SMAP1: variants seen among roughly 807,000 people sequenced by gnomAD.
The protein encoded by SMAP1 is small ArfGAP 1.
Under a neutral mutation model 58.5 loss-of-function variants are expected in SMAP1, and 24 were observed. The ratio of observed to expected loss-of-function variants is 0.41; its 90% confidence interval spans 0.30 to 0.58. The LOEUF is 0.58. SMAP1 is among the 20% of genes least tolerant of loss of function. The pLI, the probability that SMAP1 is intolerant of heterozygous loss-of-function variation, is 0.29. For missense variants in SMAP1, 563 were observed against 566.3 expected (o/e 0.99, Z 0.06); for synonymous variants, 216 against 196.6 (o/e 1.10, Z -0.82).
At chr6:70,848,253 C>G (rs1195364095) in intron 7 of SMAP1, among the ~76,000 whole-genome samples, 2 of 152,112 alleles carry the variant, frequency 1.3e-5, no homozygotes, top group Admixed American at 1.3e-4. Flanking sequence ...TGACCATATC[C>G]ACCTGAATCC....
At position 70,813,382 on chromosome 6, in the gene SMAP1, T is replaced by C. The variant is rs1433248286; in HGVS notation, c.576+14645T>C. ...GAACAGCAATGAATTGAAAATAAAA[T>C]AGGCTTAAGTTATACAAATATATTT... On this transcript the variant is annotated intron_variant, in intron 6 of 10. Coordinates refer to ENST00000370455, the MANE Select transcript of SMAP1 (RefSeq NM_001044305.3). Among the ~76,000 whole-genome samples, 4 of 152,232 alleles carry C rather than the reference T, an allele frequency of 2.6e-5. No homozygotes were observed. The East Asian group carries it at 5.8e-4, about 22-fold the overall frequency.
intron 6 of SMAP1, among the ~76,000 whole-genome samples, chr6:70,828,217 G>A (rs1770217939): frequency 6.6e-6 from 1 of 152,060 alleles, no homozygotes; most frequent in Non-Finnish European, 1.5e-5. Context: ...ACTAATGTAG[G>A]TAATATAGTG....
At chr6:70,748,131 C>T (rs1049290023) in intron 2 of SMAP1, among the ~76,000 whole-genome samples, 3 of 152,050 alleles carry the variant, frequency 2.0e-5, no homozygotes, top group African/African-American at 7.2e-5. Context: ...AAGGCTTGCT[C>T]CTATGCAAGA....
chr6:70,857,108 A>ATATC lies in SMAP1; in HGVS notation c.961+80_961+83dup, dbSNP rs2150013666. 3 of 1,369,028 alleles carry ATATC rather than the reference A, an allele frequency of 2.2e-6. No individual in the cohort carries two copies. In the South Asian group the frequency reaches 5.2e-5, roughly 24 times the overall value. The allele number at this position is 1,369,028 out of a possible 1,614,324, so 84.8% of individuals were successfully genotyped here. A position where few individuals can be genotyped will look rare whatever the true frequency, so the allele number is the denominator to read the frequency against. Reference sequence around the variant, plus strand: ...GTAATTATATAATAAGATCAATTATATATCTTTTATTGTTCCATGTAGTGA... The same window carrying ATATC: ...GTAATTATATAATAAGATCAATTATATATCTATCTTTTATTGTTCCATGTAGTGA... On this transcript the variant is annotated intron_variant, in intron 9 of 10. Transcript: ENST00000370455.
chr6:70,836,185 T>G (rs1209298209), intron 6 of SMAP1, among the ~76,000 whole-genome samples: 1 of 152,066 alleles, frequency 6.6e-6, no homozygotes, highest in Admixed American at 6.5e-5. Context: ...ACTGGGCAAT[T>G]TACAGAAGAA....
chr6:70,716,089 T>C (rs1222845890), intron 1 of SMAP1, among the ~76,000 whole-genome samples: 2 of 152,378 alleles, frequency 1.3e-5, no homozygotes, highest in East Asian at 3.9e-4. Context: ...GGCTTAGTTG[T>C]ATTCCATCAT....
intron 10 of SMAP1, 104 bp downstream of exon 10, chr6:70,858,333 A>G (rs908340130): frequency 1.9e-6 from 2 of 1,052,450 alleles, no homozygotes; most frequent in Non-Finnish European, 2.6e-6. Context: ...GTGATCTGGC[A>G]GAAAGAATTC....
intron 3 of SMAP1, among the ~76,000 whole-genome samples, chr6:70,766,709 T>C (rs572023755): frequency 0.02 from 3,009 of 152,314 alleles, 87 homozygotes; most frequent in African/African-American, 0.069. Flanking sequence ...CTGTTCACTC[T>C]GATGGTAGTT....
intron 7 of SMAP1, 77 bp from the exon 8 acceptor site, chr6:70,852,463 T>C: frequency 7.7e-7 from 1 of 1,302,742 alleles, no homozygotes; most frequent in Non-Finnish European, 1.0e-6. Flanking sequence ...TAACCATATA[T>C]CAATTTTTAA....
At chr6:70,837,816 C>A (rs1264553050) in intron 7 of SMAP1, 1 of 1,262,760 alleles carries the variant, frequency 7.9e-7, no homozygotes. Flanking sequence ...GAGTGAAAGG[C>A]AGTTAGTTGA....
At chr6:70,739,307 A>G (rs1582091356) in intron 2 of SMAP1, among the ~76,000 whole-genome samples, 1 of 152,202 alleles carries the variant, frequency 6.6e-6, no homozygotes, top group East Asian at 1.9e-4. Context: ...TCTGCAGAAG[A>G]GAAACATAAA....
chr6:70,787,796 A>T (rs1366798549), intron 4 of SMAP1, among the ~76,000 whole-genome samples: 1 of 151,798 alleles, frequency 6.6e-6, no homozygotes, highest in South Asian at 2.1e-4. Flanking sequence ...AAAGTCAGGA[A>T]ACAACAGGTG....
chr6:70,786,970 A>G (rs917213564), intron 4 of SMAP1, among the ~76,000 whole-genome samples: 2 of 152,164 alleles, frequency 1.3e-5, no homozygotes, highest in African/African-American at 4.8e-5. Flanking sequence ...ATATGGAACC[A>G]AAAAAGAGCC....
chr6:70,759,306 A>G (rs1446949476), intron 3 of SMAP1, among the ~76,000 whole-genome samples: 1 of 152,024 alleles, frequency 6.6e-6, no homozygotes, highest in Non-Finnish European at 1.5e-5. Flanking sequence ...GAGTTGATAT[A>G]TATGACCCCT....
chr6:70,691,636 A>G (rs1412645484), intron 1 of SMAP1, among the ~76,000 whole-genome samples: 1 of 152,142 alleles, frequency 6.6e-6, no homozygotes, highest in Non-Finnish European at 1.5e-5. Flanking sequence ...TCTGGTAATC[A>G]TCATTCTACT....
Position 70,687,885 on chromosome 6 carries a change from C to CA in SMAP1, c.118+19746dup, listed in dbSNP as rs549781348. On this transcript the variant is annotated intron_variant, in intron 1 of 10. Coordinates refer to ENST00000370455, the MANE Select transcript of SMAP1 (RefSeq NM_001044305.3). ...AGATTCATATATCTGCCACCACAGT[C>CA]AAGATATGGAACAGTTATATACCAC... is the stretch of plus-strand genomic sequence containing the variant. Among the ~76,000 whole-genome samples the CA allele has an allele frequency of 3.8e-4, 58 of 152,202 alleles. No individual in the cohort carries two copies. In the East Asian group the frequency reaches 7.7e-3, roughly 20 times the overall value.
chr6:70,802,164 ATTTG>A (rs1182308820), intron 6 of SMAP1, among the ~76,000 whole-genome samples: 2 of 152,150 alleles, frequency 1.3e-5, no homozygotes, highest in Non-Finnish European at 2.9e-5. Context: ...ATGTTCTTCC[ATTTG>A]TTTGTGTCCT....
At chr6:70,741,915 T>C (rs1765829530) in intron 2 of SMAP1, among the ~76,000 whole-genome samples, 1 of 152,212 alleles carries the variant, frequency 6.6e-6, no homozygotes, top group Non-Finnish European at 1.5e-5. Flanking sequence ...GCTTACACCC[T>C]CTGGAGCCAT....
intron 4 of SMAP1, among the ~76,000 whole-genome samples, chr6:70,785,370 T>C (rs905557544): frequency 7.3e-5 from 11 of 151,534 alleles, no homozygotes; most frequent in South Asian, 2.1e-4. Flanking sequence ...CAAAAGTGAC[T>C]CCTAATATCA....
Sources: allele counts gnomAD v4.1 joint callset (sites outside exome capture counted in the v4.1 genomes callset), GRCh38; gene constraint gnomAD v4.1.1; transcripts MANE v1.5; gene names NCBI Gene and HGNC (gene_info 2026-07-23, HGNC 2026-07-21).